ABL2: variants seen among roughly 807,000 people sequenced by gnomAD.
ABL2 encodes tyrosine-protein kinase ABL2.
In ABL2, 49 loss-of-function variants were observed where a neutral mutation model predicts 107.7. The observed-to-expected ratio is 0.45, with a 90% CI of 0.36 to 0.58. ABL2 has a LOEUF of 0.58. Among genes scored for constraint, ABL2 ranks in the 20% least tolerant of loss-of-function variants. The pLI, the probability that ABL2 is intolerant of heterozygous loss-of-function variation, is 0.00. For missense variants in ABL2, 1,245 were observed against 1,457.0 expected, an observed-to-expected ratio of 0.85 and a Z score of 2.37; for synonymous variants, 549 against 548.6, an observed-to-expected ratio of 1.00 and a Z score of -0.01.
Position 179,115,023 on chromosome 1 carries a change from C to A in ABL2, c.1416G>T (p.Gly472=). 6.3e-7 allele frequency: 1 copy of A among 1,598,130 alleles called. No individual in the cohort carries two copies. Among genetic ancestry groups the A allele is most frequent in the Non-Finnish European group, 8.5e-7 (1 of 1,173,674 alleles). The change falls in exon 9 of 12, where the codon GGG becomes GGT. Residue 472 remains glycine, a synonymous_variant. Coordinates refer to ENST00000502732, the MANE Select transcript of ABL2 (RefSeq NM_007314.4). ...AGGTAGCAATTTCCCACAACAATAC[C>A]CCAAAAGCTGCATAAGGAATTAAAA... ...FSIKSDVWAF[G]VLLWEIATYG...
At position 179,121,872 on chromosome 1, in the gene ABL2, T is replaced by A; in HGVS notation, c.688-5A>T. On this transcript the variant is annotated splice_region_variant and splice_polypyrimidine_tract_variant and intron_variant, in intron 4 of 11. Coordinates refer to ENST00000502732, the MANE Select transcript of ABL2 (RefSeq NM_007314.4). ...GCTCTCAGCAGTCACATACACCTGG[T>A]AAGAAAAGGAGAAAAGCTAAACAAC... 1 of 1,582,638 alleles carries A rather than the reference T, an allele frequency of 6.3e-7. No homozygotes were observed. The highest frequency in any genetic ancestry group is 8.6e-7 in the Non-Finnish European group (1 of 1,165,918).
chr1:179,219,042 C>A (rs1278960534), intron 1 of ABL2, among the ~76,000 whole-genome samples: 3 of 115,224 alleles, frequency 2.6e-5, no homozygotes, highest in Non-Finnish European at 5.7e-5. Flanking sequence ...GATAATCACA[C>A]TAAACAAGTT....
intron 9 of ABL2, among the ~76,000 whole-genome samples, chr1:179,113,957 A>G (rs1283037382): frequency 1.3e-5 from 2 of 148,350 alleles, no homozygotes; most frequent in East Asian, 4.1e-4. Context: ...ATAAATAAAT[A>G]AAAATACAAA....
chr1:179,129,187 A>C (rs1656038842), intron 3 of ABL2, among the ~76,000 whole-genome samples: 1 of 152,222 alleles, frequency 6.6e-6, no homozygotes, highest in Non-Finnish European at 1.5e-5. Flanking sequence ...TGGTCATAAG[A>C]TAAAGGCCAG....
intron 1 of ABL2, among the ~76,000 whole-genome samples, chr1:179,148,813 T>C (rs960115452): frequency 1.3e-5 from 2 of 150,986 alleles, no homozygotes; most frequent in African/African-American, 4.9e-5. Flanking sequence ...GGCAGTAGAA[T>C]TGCTTGAACC....
chr1:179,134,929 G>A (rs894921384), intron 1 of ABL2, among the ~76,000 whole-genome samples: 2 of 152,230 alleles, frequency 1.3e-5, no homozygotes, highest in African/African-American at 4.8e-5. Flanking sequence ...ACGGGGTTTC[G>A]CTGTGTTGGC....
rs141495129 is a variant in ABL2 at position 179,128,561 on chromosome 1, TC to T, written c.392-1890del. ...GACCCCAGGATTTTTTGTTTGTTGT[TC>T]TTTTTTTGTCAGTTATCAGGAAAAT... is the stretch of plus-strand genomic sequence containing the variant. On this transcript the variant is annotated intron_variant, in intron 3 of 11. Coordinates refer to ENST00000502732, the MANE Select transcript of ABL2 (RefSeq NM_007314.4). Among the ~76,000 whole-genome samples the T allele has an allele frequency of 4.6e-5, 7 of 152,320 alleles. No homozygotes were observed. In the East Asian group the frequency reaches 1.3e-3, roughly 29 times the overall value.
In ABL2 at chr1:179,186,957, G is replaced by A. The variant is rs929560823; in HGVS notation, c.157+42284C>T. Among the ~76,000 whole-genome samples, 6 of 151,964 alleles carry A rather than the reference G, an allele frequency of 3.9e-5. No homozygotes were observed. The East Asian group carries it at 9.6e-4, about 24-fold the overall frequency. On this transcript the variant is annotated intron_variant, in intron 1 of 11. Transcript: ENST00000502732. ...ATGTCATGTTGGCCAGGCTGGTCTC[G>A]AACTCCTGACTGCAAGTGATCCACC... is the stretch of plus-strand genomic sequence containing the variant.
rs201035509 is a variant in ABL2 at position 179,107,889 on chromosome 1, G to A, written c.3378C>T (p.Cys1126=). 6.8e-6 allele frequency: 11 copies of A among 1,614,240 alleles called. No homozygotes were observed. In the East Asian group the frequency reaches 1.1e-4, roughly 16 times the overall value. Residue 1126 remains cysteine (C), a synonymous_variant, in exon 12 of 12, where the codon TGC becomes TGT. Transcript: ENST00000502732. ...LLDYCSGYVD[C]IPQTRNKFAF... ...CAAATTTGTTGCGAGTTTGAGGGATGCAGTCCACATAGCCTGAGCAGTAGT... is the reference window on the plus strand; with the variant it reads ...CAAATTTGTTGCGAGTTTGAGGGATACAGTCCACATAGCCTGAGCAGTAGT...
chr1:179,161,556 A>G (rs1441125722), intron 1 of ABL2, among the ~76,000 whole-genome samples: 1 of 152,140 alleles, frequency 6.6e-6, no homozygotes, highest in African/African-American at 2.4e-5. Flanking sequence ...CAAAAAATGA[A>G]TAAAATCAGC....
intron 3 of ABL2, among the ~76,000 whole-genome samples, chr1:179,128,995 TAAAA>T (rs952633826): frequency 2.0e-5 from 3 of 147,462 alleles, no homozygotes; most frequent in Non-Finnish European, 3.0e-5. Context: ...GGTAGAACTT[TAAAA>T]AAAAAAAATT....
chr1:179,135,805 GC>G (rs1369334735), intron 1 of ABL2, among the ~76,000 whole-genome samples: 1 of 129,000 alleles, frequency 7.8e-6, no homozygotes, highest in East Asian at 2.6e-4. Context: ...CCGGCCAGCC[GC>G]CCCGTCCGGG....
chr1:179,202,620 TG>T (rs2102849044), intron 1 of ABL2, among the ~76,000 whole-genome samples: 1 of 152,360 alleles, frequency 6.6e-6, no homozygotes, highest in African/African-American at 2.4e-5. Flanking sequence ...AATCAGTGAT[TG>T]ATCTGTACCC....
chr1:179,182,830 T>C, intron 1 of ABL2, among the ~76,000 whole-genome samples: 1 of 152,290 alleles, frequency 6.6e-6, no homozygotes, highest in South Asian at 2.1e-4. Context: ...GCTTATAGAA[T>C]CTTATTAATT....
chr1:179,215,752 T>C (rs1348152367), intron 1 of ABL2, among the ~76,000 whole-genome samples: 1 of 152,030 alleles, frequency 6.6e-6, no homozygotes, highest in Non-Finnish European at 1.5e-5. Context: ...AAAGCTACTG[T>C]AACAAAAACC....
intron 1 of ABL2, among the ~76,000 whole-genome samples, chr1:179,141,735 C>T (rs375497113): frequency 1.3e-5 from 2 of 152,140 alleles, no homozygotes; most frequent in Non-Finnish European, 2.9e-5. Context: ...TCTCAAAGAA[C>T]TTAGGGTCAA....
In ABL2 at chr1:179,157,707, CT is replaced by C. The variant is rs11411364; in HGVS notation, c.158-24334del. ...TTATCCAAAAGACAAATTACAGAAT[CT>C]TTTTTTTTTTTTTTGAGACAGAGTC... On this transcript the variant is annotated intron_variant, in intron 1 of 11. Transcript: ENST00000502732. Among the ~76,000 whole-genome samples, 594 of 142,580 alleles carry C rather than the reference CT, an allele frequency of 4.2e-3. 1 individual carries two copies. Among genetic ancestry groups the C allele is most frequent in the African/African-American group, 9.3e-3 (360 of 38,684 alleles). The allele number at this position is 142,580 out of a possible 152,430, so 93.5% of individuals were successfully genotyped here. A position where few individuals can be genotyped will look rare whatever the true frequency, so the allele number is the denominator to read the frequency against.
At position 179,106,066 on chromosome 1, in the gene ABL2, A is replaced by G. The variant is rs1418579652; in HGVS notation, c.*1652T>C. On this transcript the variant is annotated 3_prime_UTR_variant, in exon 12 of 12. Transcript: ENST00000502732. ...AGAGCCAGAAGAAAACTCAGTGCTC[A>G]ATGTTGAATTCCTATCTTCCTAAGC... The G allele has an allele frequency of 4.6e-6, 1 of 216,928 alleles. No homozygotes were observed. Among genetic ancestry groups the G allele is most frequent in the Non-Finnish European group, 9.3e-6 (1 of 107,780 alleles). 13.4% of individuals were successfully genotyped at this position (216,928 alleles called of 1,614,324 possible). A position where few individuals can be genotyped will look rare whatever the true frequency, so the allele number is the denominator to read the frequency against.
rs1360259019 is a variant in ABL2, at chr1:179,110,390, G to A, written c.1717C>T (p.Pro573Ser). 2.5e-6 allele frequency: 4 copies of A among 1,614,204 alleles called. No homozygotes were observed. Among genetic ancestry groups the A allele is most frequent in the Non-Finnish European group, 3.4e-6 (4 of 1,180,038 alleles). Residue 573 changes from proline to serine, a missense_variant, in exon 11 of 12, where the codon CCT becomes TCT. Pro to Ser is a moderately conservative substitution (Grantham distance 74). Transcript: ENST00000502732. ...GTCCGAGTCTTGGAAGGAAGTATAG[G>A]TAGCCGGGGCAGGTATGGAACAACA... ...SSVVPYLPRLPILPSKTRTLK... is the reference protein window; with the variant it reads ...SSVVPYLPRLSILPSKTRTLK...
Sources: allele counts gnomAD v4.1 joint callset (sites outside exome capture counted in the v4.1 genomes callset), GRCh38; gene constraint gnomAD v4.1.1; transcripts MANE v1.5; gene names NCBI Gene and HGNC (gene_info 2026-07-23, HGNC 2026-07-21).